TAFA1: variants seen among roughly 807,000 people sequenced by gnomAD.
TAFA1 encodes chemokine-like protein TAFA-1.
A neutral mutation model predicts 18.5 loss-of-function variants in TAFA1; 4 were observed. That is an observed-to-expected ratio of 0.22 (90% CI 0.11 to 0.49). TAFA1 has a LOEUF of 0.49. TAFA1 is among the 20% of genes least tolerant of loss of function. TAFA1 has a pLI of 0.98. For missense variants in TAFA1, 147 were observed against 169.0 expected (o/e 0.87, Z 0.72); for synonymous variants, 56 against 55.2 (o/e 1.01, Z -0.06).
intron 2 of TAFA1, among the ~76,000 whole-genome samples, chr3:68,309,220 C>A (rs1035649140): frequency 6.6e-6 from 1 of 152,028 alleles, no homozygotes; most frequent in Non-Finnish European, 1.5e-5. Context: ...CTAGAACATA[C>A]AAAGCATACG....
At chr3:68,068,665 T>C (rs1291704693) in intron 2 of TAFA1, among the ~76,000 whole-genome samples, 1 of 152,196 alleles carries the variant, frequency 6.6e-6, no homozygotes, top group Admixed American at 6.5e-5. Flanking sequence ...CCTTCAAAAT[T>C]ATTCTTTGCC....
chr3:68,006,740 A>T lies in TAFA1; in HGVS notation c.114A>T (p.Arg38Ser). Residue 38 changes from arginine to serine, a missense_variant, in exon 2 of 5, where the codon AGA becomes AGT. Physicochemically the swap from Arg to Ser is moderately radical, Grantham distance 110. Coordinates refer to ENST00000478136, the MANE Select transcript of TAFA1 (RefSeq NM_213609.4). ...CTTTCCAGCAGCATCACCTGCACAGACCAGGTAAGTCAGGAGCTGGCTCCA... is the reference window on the plus strand; with the variant it reads ...CTTTCCAGCAGCATCACCTGCACAGTCCAGGTAAGTCAGGAGCTGGCTCCA... ...QHTFQQHHLH[R>S]PEGGTCEVIA... 14 of 1,611,830 alleles carry T rather than the reference A, an allele frequency of 8.7e-6. No individual in the cohort carries two copies. The highest frequency in any genetic ancestry group is 1.2e-5 in the Non-Finnish European group (14 of 1,177,872).
At chr3:68,112,094 GA>G (rs33967304) in intron 2 of TAFA1, among the ~76,000 whole-genome samples, 1 of 150,856 alleles carries the variant, frequency 6.6e-6, no homozygotes, top group East Asian at 2.0e-4. Flanking sequence ...AGCACTGGAT[GA>G]AAAAAAAATG....
At chr3:68,141,307 T>C (rs2106902241) in intron 2 of TAFA1, among the ~76,000 whole-genome samples, 1 of 152,308 alleles carries the variant, frequency 6.6e-6, no homozygotes, top group Non-Finnish European at 1.5e-5. Flanking sequence ...CACAAGAATC[T>C]CCTTTCAGCC....
At chr3:68,014,856 CT>C (rs1704538383) in intron 2 of TAFA1, among the ~76,000 whole-genome samples, 1 of 152,064 alleles carries the variant, frequency 6.6e-6, no homozygotes, top group Non-Finnish European at 1.5e-5. Context: ...AGCCAGAAAT[CT>C]AAAAATTGAT....
At chr3:68,540,607 A>G (rs1166459672) in intron 4 of TAFA1, among the ~76,000 whole-genome samples, 1 of 152,180 alleles carries the variant, frequency 6.6e-6, no homozygotes, top group Non-Finnish European at 1.5e-5. Flanking sequence ...TTTCCTGCCA[A>G]ATCTCTTTTC....
chr3:68,454,485 G>A (rs1331399870), intron 3 of TAFA1, among the ~76,000 whole-genome samples: 2 of 152,136 alleles, frequency 1.3e-5, no homozygotes, highest in Non-Finnish European at 2.9e-5. Context: ...TATCCTGTTT[G>A]ATATAGCCCA....
chr3:68,438,433 G>T (rs1297020983), intron 3 of TAFA1, among the ~76,000 whole-genome samples: 3 of 152,088 alleles, frequency 2.0e-5, no homozygotes, highest in Non-Finnish European at 4.4e-5. Context: ...AGTTGTGGTT[G>T]GGCCCCCAAG....
intron 2 of TAFA1, among the ~76,000 whole-genome samples, chr3:68,385,051 A>C (rs1487379901): frequency 1.3e-5 from 2 of 151,980 alleles, no homozygotes; most frequent in Non-Finnish European, 2.9e-5. Context: ...TTTTGAACCT[A>C]TGCATGTCCT....
chr3:68,217,515 A>G lies in TAFA1; in HGVS notation c.119-199765A>G, dbSNP rs181864171. On this transcript the variant is annotated intron_variant, in intron 2 of 4. Transcript: ENST00000478136. Reference sequence around the variant, plus strand: ...TGGGATCCTAGAACAGGGGAATAAAACAGGACATTAAGTTAAAACTAAGGC... The same window carrying G: ...TGGGATCCTAGAACAGGGGAATAAAGCAGGACATTAAGTTAAAACTAAGGC... Among the ~76,000 whole-genome samples the G allele has an allele frequency of 4.9e-4, 75 of 152,170 alleles. 3 individuals are homozygous for G. The East Asian group carries it at 0.014, about 29-fold the overall frequency.
At chr3:68,396,898 G>C (rs76593466) in intron 2 of TAFA1, among the ~76,000 whole-genome samples, 1 of 151,982 alleles carries the variant, frequency 6.6e-6, no homozygotes, top group Non-Finnish European at 1.5e-5. Context: ...GAATTTTAAG[G>C]TCCACTATGA....
chr3:68,421,620 A>G (rs1347061028), intron 3 of TAFA1, among the ~76,000 whole-genome samples: 2 of 151,690 alleles, frequency 1.3e-5, no homozygotes, highest in Non-Finnish European at 3.0e-5. Flanking sequence ...TGATAGAATG[A>G]CATTTGCTTC....
intron 2 of TAFA1, among the ~76,000 whole-genome samples, chr3:68,111,316 G>T (rs1363083115): frequency 1.3e-5 from 2 of 152,070 alleles, no homozygotes; most frequent in Non-Finnish European, 2.9e-5. Flanking sequence ...AAAGAAAGCT[G>T]CCAACCATGA....
chr3:68,163,128 A>C (rs1666255047), intron 2 of TAFA1, among the ~76,000 whole-genome samples: 1 of 152,218 alleles, frequency 6.6e-6, no homozygotes. Context: ...CAAGAGCATA[A>C]CAATTTATTT....
intron 2 of TAFA1, among the ~76,000 whole-genome samples, chr3:68,123,866 C>G (rs1005491106): frequency 1.9e-4 from 14 of 73,238 alleles, no homozygotes; most frequent in African/African-American, 9.1e-4. Flanking sequence ...CAAAGAACAA[C>G]ACTTTTTTTT....
At chr3:68,346,341 A>G (rs1408977780) in intron 2 of TAFA1, among the ~76,000 whole-genome samples, 3 of 151,974 alleles carry the variant, frequency 2.0e-5, no homozygotes, top group Non-Finnish European at 4.4e-5. Context: ...GTATTTTTGT[A>G]GAGATAGGGT....
At chr3:68,437,041 T>C (rs1220421268) in intron 3 of TAFA1, among the ~76,000 whole-genome samples, 1 of 152,130 alleles carries the variant, frequency 6.6e-6, no homozygotes, top group Non-Finnish European at 1.5e-5. Flanking sequence ...TAAAATGTAA[T>C]ATAGACATGA....
chr3:68,251,290 G>C (rs755251435), intron 2 of TAFA1, among the ~76,000 whole-genome samples: 4 of 152,150 alleles, frequency 2.6e-5, no homozygotes, highest in African/African-American at 4.8e-5. Flanking sequence ...CCTGCCCACA[G>C]TGTGGCATTT....
At chr3:68,409,471 G>C (rs1218205046) in intron 2 of TAFA1, among the ~76,000 whole-genome samples, 1 of 152,048 alleles carries the variant, frequency 6.6e-6, no homozygotes, top group South Asian at 2.1e-4. Context: ...TTTAAAAGTG[G>C]TCATTTCCCC....
Sources: allele counts gnomAD v4.1 joint callset (sites outside exome capture counted in the v4.1 genomes callset), GRCh38; gene constraint gnomAD v4.1.1; transcripts MANE v1.5; gene names NCBI Gene and HGNC (gene_info 2026-07-23, HGNC 2026-07-21).